DOP1A: variants seen among roughly 807,000 people sequenced by gnomAD.
DOP1A encodes the protein DOP1 leucine zipper like protein A.
A neutral mutation model predicts 267.6 loss-of-function variants in DOP1A; 90 were observed. The ratio of observed to expected loss-of-function variants is 0.34; its 90% CI spans 0.28 to 0.40. The LOEUF (loss-of-function observed/expected upper bound fraction) is 0.40, where lower values mean the gene tolerates loss of function less well. DOP1A is among the 10% of genes least tolerant of loss of function. The pLI is 1.00. For synonymous variants in DOP1A, 932 were observed against 999.1 expected (o/e 0.93, Z 1.27); for missense variants, 2,437 against 2,900.4 (o/e 0.84, Z 3.67).
chr6:83,141,001 T>G (rs1032236670), intron 23 of DOP1A, among the ~76,000 whole-genome samples: 1 of 152,174 alleles, frequency 6.6e-6, no homozygotes, highest in African/African-American at 2.4e-5. Flanking sequence ...AGGAATGAAT[T>G]CTAAGGTAAT....
At chr6:83,168,839 T>A, downstream of DOP1A, 1 of 1,028,780 alleles carries the variant, frequency 9.7e-7, no homozygotes, top group Non-Finnish European at 1.2e-6. Context: ...TCCATTTGTA[T>A]CAGCAATGGG....
chr6:83,099,274 A>G (rs1001024387), intron 3 of DOP1A, among the ~76,000 whole-genome samples: 1 of 152,138 alleles, frequency 6.6e-6, no homozygotes, highest in Non-Finnish European at 1.5e-5. Context: ...AAAAGTTACC[A>G]TTTTCAGTAT....
chr6:83,169,172 T>G, downstream of DOP1A: 3 of 1,595,530 alleles, frequency 1.9e-6, no homozygotes, highest in Non-Finnish European at 1.7e-6. Context: ...ACTGCCATTA[T>G]TATTGACAGT....
At chr6:83,127,599 G>A (rs1777395360) in intron 15 of DOP1A, among the ~76,000 whole-genome samples, 1 of 152,212 alleles carries the variant, frequency 6.6e-6, no homozygotes, top group Non-Finnish European at 1.5e-5. Context: ...TCTGGCTGCA[G>A]TATGAAATGT....
At chr6:83,108,358 T>C (rs1774003663) in intron 4 of DOP1A, among the ~76,000 whole-genome samples, 1 of 152,146 alleles carries the variant, frequency 6.6e-6, no homozygotes, top group South Asian at 2.1e-4. Flanking sequence ...TTTTATTTTT[T>C]GTAGAGATGG....
Position 83,110,333 on chromosome 6 carries a change from T to C in DOP1A, c.681+19T>C. ...GCTAATGGTAGGTCTAAAAATATGG[T>C]TGCTCATTTCACAAATATTTCTTTA... On this transcript the variant is annotated intron_variant, in intron 6 of 38. Transcript: ENST00000349129. The C allele has an allele frequency of 6.2e-7, 1 of 1,605,760 alleles. No homozygotes were observed. Among genetic ancestry groups the C allele is most frequent in the Non-Finnish European group, 8.5e-7 (1 of 1,175,282 alleles).
At chr6:83,140,674 C>G (rs960399985) in intron 23 of DOP1A, among the ~76,000 whole-genome samples, 1 of 152,132 alleles carries the variant, frequency 6.6e-6, no homozygotes, top group African/African-American at 2.4e-5. Flanking sequence ...ACAGATTCCT[C>G]ATGGCCATTT....
intron 38 of DOP1A, chr6:83,166,877 T>G: frequency 1.0e-6 from 1 of 992,458 alleles, no homozygotes; most frequent in Non-Finnish European, 1.2e-6. Flanking sequence ...TATGACAGAT[T>G]GTAATTCTGC....
Position 83,085,778 on chromosome 6 carries a change from T to TTTATGTTATGTTATG in DOP1A, c.-146-10908_-146-10894dup, listed in dbSNP as rs55657605. 8.9e-3 allele frequency among the ~76,000 whole-genome samples: 1,278 copies of TTTATGTTATGTTATG among 143,054 alleles called. 13 individuals are homozygous for TTTATGTTATGTTATG. Among genetic ancestry groups the TTTATGTTATGTTATG allele is most frequent in the Non-Finnish European group, 0.013 (854 of 65,684 alleles). The allele number at this position is 143,054 out of a possible 152,430, so 93.8% of individuals were successfully genotyped here. ...ACCATTGATGGGTTTTTTGCGGTAT[T>TTTATGTTATGTTATG]TTATGTTATGTTATGTTATGTTATG... On this transcript the variant is annotated intron_variant, in intron 1 of 38. Coordinates refer to ENST00000349129, the MANE Select transcript of DOP1A (RefSeq NM_015018.4).
rs1427186384 is a variant in DOP1A, at chr6:83,130,190, T to A, written c.2409T>A (p.Asp803Glu). 1 of 1,614,124 alleles carries A rather than the reference T, an allele frequency of 6.2e-7. No homozygotes were observed. Among genetic ancestry groups the A allele is most frequent in the East Asian group, 2.2e-5 (1 of 44,866 alleles). The change falls in exon 17 of 39, where the codon GAT becomes GAA. Residue 803 changes from aspartate (D) to glutamate (E), a missense_variant. Transcript: ENST00000349129. ...TLMNACSQAS[D>E]FSVQSVAISL... ...TGAATGCTTGCAGCCAAGCAAGTGA[T>A]TTCAGTGTTCAGAGTGTTGCTATTT...
In DOP1A at chr6:83,137,838, A is replaced by G. The variant is rs761072986; in HGVS notation, c.3796A>G (p.Ser1266Gly). The change falls in exon 21 of 39, where the codon AGT (serine) becomes GGT (glycine). Residue 1266 changes from serine to glycine, a missense_variant. By Grantham distance (56) the Ser-to-Gly change is moderately conservative. Around this residue, in one of 9 missense-constraint regions of DOP1A, gnomAD observed 878 missense variants for 992.9 expected, o/e 0.88. Coordinates refer to ENST00000349129, the MANE Select transcript of DOP1A (RefSeq NM_015018.4). ...IETKSRQRSH[S>G]SIQFSFKEKL... ...AACCAAATCTAGACAAAGGAGTCAC[A>G]GTAGTATTCAATTCAGCTTCAAAGA... 39 of 1,613,812 alleles carry G rather than the reference A, an allele frequency of 2.4e-5. No homozygotes were observed. Among genetic ancestry groups the G allele is most frequent in the Non-Finnish European group, 3.1e-5 (37 of 1,179,884 alleles).
intron 27 of DOP1A, 41 bp from the exon 28 acceptor site, chr6:83,151,552 C>T (rs1328226400): frequency 6.6e-7 from 1 of 1,525,978 alleles, no homozygotes; most frequent in Non-Finnish European, 8.9e-7. Flanking sequence ...TTTCTTTTAG[C>T]CTGATATTTC....
intron 15 of DOP1A, among the ~76,000 whole-genome samples, chr6:83,127,903 A>G (rs1777452555): frequency 6.6e-6 from 1 of 152,172 alleles, no homozygotes; most frequent in Non-Finnish European, 1.5e-5. Context: ...ACATTAGGAA[A>G]TGGTGGTTTG....
chr6:83,121,893 G>A (rs1776430742), intron 10 of DOP1A, 37 bp from the exon 11 acceptor site: 1 of 1,579,042 alleles, frequency 6.3e-7, no homozygotes, highest in Middle Eastern at 1.8e-4. Flanking sequence ...TGCTCATGCT[G>A]ATTAATTACT....
rs573430632 is a variant in DOP1A at position 83,104,951 on chromosome 6, T to C, written c.321-3959T>C. 3.3e-5 allele frequency among the ~76,000 whole-genome samples: 5 copies of C among 152,272 alleles called. No homozygotes were observed. In the South Asian group the frequency reaches 1.0e-3, roughly 32 times the overall value. Reference sequence around the variant, plus strand: ...GTGTATGTGTTTACTCTCTCATTTTTGCTCAGATAAGCTCTCTCTGACCAC... The same window carrying C: ...GTGTATGTGTTTACTCTCTCATTTTCGCTCAGATAAGCTCTCTCTGACCAC... On this transcript the variant is annotated intron_variant, in intron 4 of 38. Coordinates refer to ENST00000349129, the MANE Select transcript of DOP1A (RefSeq NM_015018.4).
intron 1 of DOP1A, among the ~76,000 whole-genome samples, chr6:83,074,868 C>G (rs1766791897): frequency 6.6e-6 from 1 of 152,126 alleles, no homozygotes; most frequent in African/African-American, 2.4e-5. Flanking sequence ...CCCAGCAATG[C>G]TAAATGAAAT....
intron 1 of DOP1A, among the ~76,000 whole-genome samples, chr6:83,090,576 GAC>G (rs1337987660): frequency 6.6e-6 from 1 of 152,186 alleles, no homozygotes; most frequent in Non-Finnish European, 1.5e-5. Flanking sequence ...TTTGTTAAGA[GAC>G]ATGGTGAAAT....
intron 6 of DOP1A, among the ~76,000 whole-genome samples, chr6:83,112,742 C>T (rs1032824592): frequency 1.3e-5 from 2 of 152,148 alleles, no homozygotes; most frequent in African/African-American, 2.4e-5. Context: ...GGATTGCAGG[C>T]GTGAGCCACC....
Position 83,130,409 on chromosome 6 carries a change from GA to G in DOP1A, c.2616+15del. ...CTGAATTTTTCAAGGTAAATTCTAA[GA>G]AATGCATATATGACTATGATGATTA... On this transcript the variant is annotated intron_variant, in intron 17 of 38. Transcript: ENST00000349129. 1 of 1,606,732 alleles carries G rather than the reference GA, an allele frequency of 6.2e-7. No homozygotes were observed. The highest frequency in any genetic ancestry group is 8.5e-7 in the Non-Finnish European group (1 of 1,176,614).
Sources: gnomAD v4.1 joint callset for allele counts (sites outside exome capture counted in the v4.1 genomes callset) on GRCh38, gnomAD v4.1.1 for gene constraint, gnomAD v4.1.1 regional missense constraint, MANE v1.5 for transcripts, NCBI Gene and HGNC (gene_info 2026-07-23, HGNC 2026-07-21) for gene names.